The following CCDC3 variants were observed in gnomAD, a reference collection of about 807,000 sequenced individuals.
CCDC3 encodes coiled-coil domain containing 3, also known as coiled-coil domain-containing protein 3.
CCDC3 carries 24 observed loss-of-function variants against 21.4 expected under a neutral mutation model. That is an observed-to-expected ratio of 1.12 (90% CI 0.81 to 1.58). CCDC3 has a LOEUF of 1.58. Ranked by LOEUF, CCDC3 falls within the 40% of genes most tolerant of loss-of-function variation. The probability of loss-of-function intolerance (pLI) is 0.00; values close to 1 mark genes in which losing one functional copy is unlikely to be tolerated. For synonymous variants in CCDC3, 186 were observed against 166.0 expected (o/e 1.12, Z -0.93); for missense variants, 425 against 360.9 (o/e 1.18, Z -1.44).
At chr10:12,956,658 C>G (rs1003305936) in intron 2 of CCDC3, among the ~76,000 whole-genome samples, 1 of 152,230 alleles carries the variant, frequency 6.6e-6, no homozygotes, top group Admixed American at 6.5e-5. Flanking sequence ...CACAAAGACT[C>G]TCTCCTGGAC....
intron 2 of CCDC3, among the ~76,000 whole-genome samples, chr10:12,938,564 G>C (rs992848431): frequency 2.0e-5 from 3 of 152,188 alleles, no homozygotes; most frequent in Admixed American, 2.0e-4. Context: ...GGAGACCATA[G>C]ACAAGTTACT....
At position 12,987,841 on chromosome 10, in the gene CCDC3, G is replaced by A. The variant is rs1589031870; in HGVS notation, c.549+10497C>T. ...ACAAATTGGAAGAACACAGGAGAGC[G>A]CCCCTTCCAGACATATCCCAGAGCC... On this transcript the variant is annotated intron_variant, in intron 2 of 2. Coordinates refer to ENST00000378825, the MANE Select transcript of CCDC3 (RefSeq NM_031455.4). Among the ~76,000 whole-genome samples, 5 of 152,218 alleles carry A rather than the reference G, an allele frequency of 3.3e-5. No homozygotes were observed. The South Asian group carries it at 1.0e-3, about 32-fold the overall frequency.
At chr10:13,013,039 T>A (rs1481554737) in intron 5 of CCDC3, among the ~76,000 whole-genome samples, 1 of 152,212 alleles carries the variant, frequency 6.6e-6, no homozygotes, top group Admixed American at 6.5e-5. Context: ...ATTTCCAAAA[T>A]TTTTCTGGTA....
In CCDC3 at chr10:12,966,451, G is replaced by A. The variant is rs182489615; in HGVS notation, c.549+31887C>T. Reference sequence around the variant, plus strand: ...TCTCCCCAGACCCTCACACCCCTCCGGGAACAGGCAGGGACTCTGATTCCT... The same window carrying A: ...TCTCCCCAGACCCTCACACCCCTCCAGGAACAGGCAGGGACTCTGATTCCT... On this transcript the variant is annotated intron_variant, in intron 2 of 2. Transcript: ENST00000378825. 7.2e-5 allele frequency among the ~76,000 whole-genome samples: 11 copies of A among 152,152 alleles called. No individual in the cohort carries two copies. In the East Asian group the frequency reaches 1.2e-3, roughly 16 times the overall value.
intron 2 of CCDC3, among the ~76,000 whole-genome samples, chr10:12,965,562 TCA>T (rs1284517643): frequency 6.6e-6 from 1 of 152,238 alleles, no homozygotes; most frequent in Admixed American, 6.5e-5. Flanking sequence ...GAGATGTCAC[TCA>T]CAGTGTCACA....
At chr10:13,078,687 A>G (rs1289940682) in intron 3 of CCDC3, among the ~76,000 whole-genome samples, 4 of 152,224 alleles carry the variant, frequency 2.6e-5, no homozygotes, top group African/African-American at 4.8e-5. Flanking sequence ...GCCATAAAAA[A>G]GGATGAGTTC....
chr10:12,981,658 CT>C (rs1835498793), intron 2 of CCDC3, among the ~76,000 whole-genome samples: 1 of 152,198 alleles, frequency 6.6e-6, no homozygotes, highest in East Asian at 1.9e-4. Flanking sequence ...CTGCTGACTG[CT>C]GACTTTTTGG....
At chr10:13,004,222 G>A (rs1165981616), upstream of CCDC3, among the ~76,000 whole-genome samples, 1 of 152,058 alleles carries the variant, frequency 6.6e-6, no homozygotes, top group African/African-American at 2.4e-5. Flanking sequence ...ACTTTAAGAT[G>A]GACTCCATCA....
At chr10:13,035,353 T>C (rs538023291) in intron 5 of CCDC3, among the ~76,000 whole-genome samples, 2 of 152,238 alleles carry the variant, frequency 1.3e-5, no homozygotes, top group African/African-American at 4.8e-5. Context: ...AGTTACACAT[T>C]AGACATTAGA....
At chr10:12,964,024 A>G (rs763688963) in intron 2 of CCDC3, among the ~76,000 whole-genome samples, 1 of 152,202 alleles carries the variant, frequency 6.6e-6, no homozygotes, top group Non-Finnish European at 1.5e-5. Flanking sequence ...ACTCTGGCCA[A>G]TGACATGTGA....
chr10:12,921,735 GTTTCTGT>G (rs146649096), intron 2 of CCDC3, among the ~76,000 whole-genome samples: 8,002 of 152,144 alleles, frequency 0.053, 232 homozygotes, highest in Non-Finnish European at 0.071. Flanking sequence ...ATCGTAGCCG[GTTTCTGT>G]TTTTTGTTTT....
intron 5 of CCDC3, among the ~76,000 whole-genome samples, chr10:13,016,910 G>A (rs942179165): frequency 1.3e-4 from 19 of 151,942 alleles, no homozygotes; most frequent in Non-Finnish European, 1.6e-4. Flanking sequence ...TATTTAGCCC[G>A]AATGACCCAG....
chr10:12,935,198 G>A (rs1834716859), intron 2 of CCDC3, among the ~76,000 whole-genome samples: 1 of 152,100 alleles, frequency 6.6e-6, no homozygotes. Context: ...ATTAAAGTGA[G>A]CTTTTTATAG....
At chr10:13,093,971 A>T (rs1832604313) in intron 3 of CCDC3, among the ~76,000 whole-genome samples, 1 of 152,186 alleles carries the variant, frequency 6.6e-6, no homozygotes. Flanking sequence ...TTATTTTCCC[A>T]AATCACCAGC....
chr10:13,000,057 C>T (rs1404468428), intron 1 of CCDC3, among the ~76,000 whole-genome samples: 1 of 152,226 alleles, frequency 6.6e-6, no homozygotes, highest in Non-Finnish European at 1.5e-5. Context: ...CTTACAAACA[C>T]CACTTTGTAG....
chr10:13,091,618 C>T (rs967979973), intron 3 of CCDC3, among the ~76,000 whole-genome samples: 20 of 152,162 alleles, frequency 1.3e-4, no homozygotes, highest in African/African-American at 3.4e-4. Context: ...AGTCGCCCAA[C>T]GCAGAAATGT....
chr10:13,078,878 G>C (rs1189656416), intron 3 of CCDC3, among the ~76,000 whole-genome samples: 4 of 151,922 alleles, frequency 2.6e-5, no homozygotes, highest in Non-Finnish European at 5.9e-5. Flanking sequence ...GGGGAGGTGG[G>C]GAGGGATAGC....
intron 2 of CCDC3, among the ~76,000 whole-genome samples, chr10:12,979,353 G>A (rs1298254187): frequency 1.3e-5 from 2 of 151,610 alleles, no homozygotes; most frequent in Non-Finnish European, 1.5e-5. Context: ...CCTCCTGCTT[G>A]TTCTTTCCCT....
At position 13,089,371 on chromosome 10, in the gene CCDC3, C is replaced by T. The variant is rs562233231; in HGVS notation, c.-503+9154G>A. Among the ~76,000 whole-genome samples, 4 of 152,146 alleles carry T rather than the reference C, an allele frequency of 2.6e-5. No individual in the cohort carries two copies. The East Asian group carries it at 5.8e-4, about 22-fold the overall frequency. Reference sequence around the variant, plus strand: ...TCATATAAAGAATGCAAGTAAACAACTTAGTACTATTGTTATATTCTTTGA... The same window carrying T: ...TCATATAAAGAATGCAAGTAAACAATTTAGTACTATTGTTATATTCTTTGA... On this transcript the variant is annotated intron_variant, in intron 3 of 6. Coordinates refer to the CCDC3 transcript ENST00000378839.
Sources: allele counts gnomAD v4.1 joint callset (sites outside exome capture counted in the v4.1 genomes callset), GRCh38; gene constraint gnomAD v4.1.1; transcripts MANE v1.5; gene names NCBI Gene and HGNC (gene_info 2026-07-23, HGNC 2026-07-21).